Variants in TGFBR2 observed in about 807,000 individuals in gnomAD.
The protein encoded by TGFBR2 is transforming growth factor beta receptor 2, also known as TGF-beta receptor type-2.
TGFBR2 carries 18 observed loss-of-function variants against 49.0 expected under a neutral mutation model. The ratio of observed to expected loss-of-function variants is 0.37; its 90% CI spans 0.25 to 0.54. The LOEUF (loss-of-function observed/expected upper bound fraction) is 0.54, where lower values mean the gene tolerates loss of function less well. Among genes scored for constraint, TGFBR2 ranks in the 20% least tolerant of loss-of-function variants. TGFBR2 has a pLI of 0.85. For missense variants in TGFBR2, 525 were observed against 722.6 expected (o/e 0.73, Z 3.13); for synonymous variants, 282 against 275.9 (o/e 1.02, Z -0.22).
chr3:30,612,691 A>G (rs1386518877), intron 1 of TGFBR2, among the ~76,000 whole-genome samples: 2 of 152,126 alleles, frequency 1.3e-5, no homozygotes, highest in Admixed American at 1.3e-4. Flanking sequence ...ATTTGCAAAG[A>G]TGTGTATTGT....
intron 5 of TGFBR2, among the ~76,000 whole-genome samples, chr3:30,682,839 T>C (rs765363416): frequency 1.3e-4 from 20 of 152,086 alleles, no homozygotes; most frequent in Admixed American, 1.3e-3. Context: ...CTTCTCAAGG[T>C]TGTATGCTGA....
rs574046073 is a variant in TGFBR2, at chr3:30,683,465, T to C, written c.1397-4919T>C. ...CCCAATGAATTGAGGGCAAAACATC[T>C]GGGCTTTTATAAAAAATTGATTGAG... On this transcript the variant is annotated intron_variant, in intron 5 of 6. Coordinates refer to ENST00000295754, the MANE Select transcript of TGFBR2 (RefSeq NM_003242.6). Among the ~76,000 whole-genome samples, 5 of 152,334 alleles carry C rather than the reference T, an allele frequency of 3.3e-5. No homozygotes were observed. In the South Asian group the frequency reaches 8.3e-4, roughly 25 times the overall value.
intron 4 of TGFBR2, among the ~76,000 whole-genome samples, chr3:30,673,520 A>T (rs1199030486): frequency 6.6e-6 from 1 of 152,246 alleles, no homozygotes; most frequent in East Asian, 1.9e-4. Context: ...CCCACAAGTT[A>T]AAATTATAAA....
At position 30,606,970 on chromosome 3, in the gene TGFBR2, G is replaced by T; in HGVS notation, c.87G>T (p.Gln29His). ...CCAGCACGATCCCACCGCACGTTCA[G>T]AAGTCGGGTGAGTGGTCCCCAGCCC... is the stretch of plus-strand genomic sequence containing the variant. The part of the protein sequence containing the change: ...RIASTIPPHV[Q>H]KSVNNDMIVT... Residue 29 changes from glutamine to histidine, a missense_variant, in exon 1 of 7, where the codon CAG (glutamine) becomes CAT (histidine). Transcript: ENST00000295754. 1 of 1,596,628 alleles carries T rather than the reference G, an allele frequency of 6.3e-7. No homozygotes were observed. The highest frequency in any genetic ancestry group is 8.5e-7 in the Non-Finnish European group (1 of 1,171,870).
chr3:30,665,117 G>A (rs1298625812), intron 3 of TGFBR2, among the ~76,000 whole-genome samples: 1 of 152,162 alleles, frequency 6.6e-6, no homozygotes, highest in African/African-American at 2.4e-5. Context: ...AGCTCTAGCC[G>A]CAAGGATGTT....
intron 1 of TGFBR2, among the ~76,000 whole-genome samples, chr3:30,607,590 T>G (rs913709162): frequency 1.3e-5 from 2 of 151,974 alleles, no homozygotes; most frequent in African/African-American, 4.8e-5. Context: ...GGAGTGGAGA[T>G]GCTCAGGTGA....
chr3:30,690,507 G>T (rs906781149), intron 6 of TGFBR2, among the ~76,000 whole-genome samples: 15 of 152,202 alleles, frequency 9.9e-5, no homozygotes, highest in Non-Finnish European at 1.8e-4. Flanking sequence ...GAGCATCCCA[G>T]AGGTCATCCT....
intron 1 of TGFBR2, among the ~76,000 whole-genome samples, chr3:30,642,200 A>C (rs1331404098): frequency 6.6e-6 from 1 of 152,156 alleles, no homozygotes; most frequent in Admixed American, 6.6e-5. Flanking sequence ...TGAAAGAGCT[A>C]ATCACCTCTC....
At chr3:30,670,120 A>G (rs17026142) in intron 3 of TGFBR2, among the ~76,000 whole-genome samples, 151 of 152,242 alleles carry the variant, frequency 9.9e-4, no homozygotes, top group Middle Eastern at 6.8e-3. Context: ...AGTGGTCAGT[A>G]TGGGATAATT....
At chr3:30,675,827 C>G (rs1399800270) in intron 5 of TGFBR2, among the ~76,000 whole-genome samples, 1 of 152,204 alleles carries the variant, frequency 6.6e-6, no homozygotes. Flanking sequence ...CTATCAAAAA[C>G]AGCAAATTAA....
rs575606797 is a variant in TGFBR2, at chr3:30,636,847, G to A, written c.95-7900G>A. 2.1e-3 allele frequency among the ~76,000 whole-genome samples: 322 copies of A among 151,952 alleles called. 1 individual carries two copies. Among genetic ancestry groups the A allele is most frequent in the African/African-American group, 7.3e-3 (304 of 41,442 alleles). On this transcript the variant is annotated intron_variant, in intron 1 of 6. Transcript: ENST00000295754. ...TGGGAGGCCAAGGTGGGCAGATCAC[G>A]AGGTCAGGAGATCGAGACCATCCTG... is the stretch of plus-strand genomic sequence containing the variant.
At chr3:30,612,939 C>A (rs7630049) in intron 1 of TGFBR2, among the ~76,000 whole-genome samples, 4,454 of 152,252 alleles carry the variant, frequency 0.029, 232 homozygotes, top group African/African-American at 0.1. Context: ...TAGCACCCAA[C>A]AAGTAGCAAC....
At chr3:30,686,631 G>A (rs1001046417) in intron 5 of TGFBR2, among the ~76,000 whole-genome samples, 14 of 152,128 alleles carry the variant, frequency 9.2e-5, no homozygotes, top group African/African-American at 2.4e-4. Context: ...TCTTCAATTC[G>A]TTACCTAGAA....
intron 6 of TGFBR2, among the ~76,000 whole-genome samples, chr3:30,689,014 G>C (rs1246903313): frequency 6.6e-6 from 1 of 152,200 alleles, no homozygotes; most frequent in Non-Finnish European, 1.5e-5. Context: ...CTTGGGAGAG[G>C]CCTGAGTGAG....
At chr3:30,659,964 T>C (rs947332974) in intron 3 of TGFBR2, among the ~76,000 whole-genome samples, 4 of 152,146 alleles carry the variant, frequency 2.6e-5, no homozygotes, top group African/African-American at 9.7e-5. Flanking sequence ...CCAGAGGCTG[T>C]ATTCACCACC....
Position 30,691,812 on chromosome 3 carries a change from G to A in TGFBR2, c.*213G>A, listed in dbSNP as rs1248084651. The A allele has an allele frequency of 6.9e-6, 4 of 577,758 alleles. No individual in the cohort carries two copies. The highest frequency in any genetic ancestry group is 1.2e-5 in the Non-Finnish European group (4 of 322,488). 35.8% of individuals were successfully genotyped at this position (577,758 alleles called of 1,614,324 possible). ...CTTTGACATTGTCATAGGATAAGCT[G>A]TGTTAGCACTTCCTCAGGAAATGAG... On this transcript the variant is annotated 3_prime_UTR_variant, in exon 7 of 7. Coordinates refer to ENST00000295754, the MANE Select transcript of TGFBR2 (RefSeq NM_003242.6).
At position 30,610,060 on chromosome 3, in the gene TGFBR2, A is replaced by C. The variant is rs570923562; in HGVS notation, c.94+3083A>C. Among the ~76,000 whole-genome samples the C allele has an allele frequency of 8.5e-5, 13 of 152,300 alleles. No individual in the cohort carries two copies. The South Asian group carries it at 2.5e-3, about 29-fold the overall frequency. ...GGTTAGTTTTTAACTCTGGATCAAT[A>C]AGGCACCTCTGATATCATTGCAAAA... On this transcript the variant is annotated intron_variant, in intron 1 of 6. Coordinates refer to ENST00000295754, the MANE Select transcript of TGFBR2 (RefSeq NM_003242.6).
chr3:30,658,975 A>G (rs1699059284), intron 3 of TGFBR2, among the ~76,000 whole-genome samples: 1 of 152,208 alleles, frequency 6.6e-6, no homozygotes, highest in South Asian at 2.1e-4. Context: ...AGTCTTAGAA[A>G]TGCTGCCCTC....
At chr3:30,632,530 T>A (rs1405718602) in intron 1 of TGFBR2, among the ~76,000 whole-genome samples, 1 of 152,248 alleles carries the variant, frequency 6.6e-6, no homozygotes, top group African/African-American at 2.4e-5. Context: ...TATTTCAATT[T>A]GTCTATTCAT....
Sources: allele counts gnomAD v4.1 joint callset (sites outside exome capture counted in the v4.1 genomes callset), GRCh38; gene constraint gnomAD v4.1.1; transcripts MANE v1.5; gene names NCBI Gene and HGNC (gene_info 2026-07-23, HGNC 2026-07-21).